The following TDRD5 variants were observed in gnomAD, a reference collection of about 807,000 sequenced individuals.
The protein encoded by TDRD5 is tudor domain-containing protein 5.
Under a neutral mutation model 120.6 loss-of-function variants are expected in TDRD5, and 41 were observed. The ratio of observed to expected loss-of-function variants is 0.34; its 90% CI spans 0.26 to 0.44. The LOEUF is 0.44. Ranked by LOEUF, TDRD5 falls within the 20% of genes least tolerant of loss-of-function variation. The pLI is 1.00. For missense variants in TDRD5, 1,006 were observed against 1,221.2 expected (o/e 0.82, Z 2.63); for synonymous variants, 430 against 433.7 (o/e 0.99, Z 0.11).
chr1:179,638,449 A>G lies in TDRD5; in HGVS notation c.1521-1390A>G, dbSNP rs142422181. On this transcript the variant is annotated intron_variant, in intron 9 of 17. Transcript: ENST00000444136. ...AAGTTGACCATGAGAGTCACTGGCA[A>G]TGTTGACTAGATGGTATGAGTTAGG... Among the ~76,000 whole-genome samples, 41 of 128,824 alleles carry G rather than the reference A, an allele frequency of 3.2e-4. 9 individuals are homozygous for G. In the East Asian group the frequency reaches 8.8e-3, roughly 28 times the overall value. The allele number at this position is 128,824 out of a possible 152,430, so 84.5% of individuals were successfully genotyped here.
In TDRD5 at chr1:179,592,012, T is replaced by C. The variant is rs892476925; in HGVS notation, c.-128T>C. On this transcript the variant is annotated 5_prime_UTR_variant, in exon 1 of 18. Coordinates refer to ENST00000444136, the MANE Select transcript of TDRD5 (RefSeq NM_001199085.3). The stretch of plus-strand genomic sequence containing the variant: ...CCTCACCTGGCGCCTCCTGCCTTCC[T>C]TTCCACCTCAGGTTGCAGAGAGCCG... 6.6e-6 allele frequency: 1 copy of C among 152,646 alleles called. No homozygotes were observed. Among genetic ancestry groups the C allele is most frequent in the Non-Finnish European group, 1.5e-5 (1 of 68,402 alleles). The allele number at this position is 152,646 out of a possible 1,614,324, so 9.5% of individuals were successfully genotyped here.
chr1:179,678,660 T>C (rs1303320645), intron 17 of TDRD5, among the ~76,000 whole-genome samples: 1 of 152,226 alleles, frequency 6.6e-6, no homozygotes, highest in African/African-American at 2.4e-5. Context: ...TATCCCTAAG[T>C]AATATTTTTA....
chr1:179,620,322 A>G (rs1438968959), intron 5 of TDRD5, among the ~76,000 whole-genome samples: 1 of 152,164 alleles, frequency 6.6e-6, no homozygotes, highest in Non-Finnish European at 1.5e-5. Flanking sequence ...CTTTATTGGG[A>G]TAGAGTAAGT....
At chr1:179,625,582 A>T (rs1558387640) in intron 6 of TDRD5, among the ~76,000 whole-genome samples, 1 of 152,164 alleles carries the variant, frequency 6.6e-6, no homozygotes, top group Non-Finnish European at 1.5e-5. Context: ...AAATGGTACA[A>T]CTACTGTGGA....
chr1:179,645,557 A>T (rs555011045), intron 11 of TDRD5, among the ~76,000 whole-genome samples: 5 of 152,244 alleles, frequency 3.3e-5, no homozygotes, highest in African/African-American at 9.6e-5. Context: ...AAAAGTGTAT[A>T]TTCTGCAGTT....
At chr1:179,659,539 A>G (rs981836504) in intron 14 of TDRD5, among the ~76,000 whole-genome samples, 15 of 144,804 alleles carry the variant, frequency 1.0e-4, no homozygotes, top group Admixed American at 5.0e-4. Flanking sequence ...CAGTATAGCC[A>G]TTCCAGTTTT....
intron 4 of TDRD5, among the ~76,000 whole-genome samples, chr1:179,612,887 G>T (rs189932067): frequency 1.4e-4 from 21 of 144,956 alleles, no homozygotes; most frequent in African/African-American, 4.4e-4. Flanking sequence ...AGTGAGCCGA[G>T]ACTGTGCCAT....
intron 5 of TDRD5, among the ~76,000 whole-genome samples, chr1:179,619,530 A>T (rs1362567933): frequency 6.6e-6 from 1 of 152,022 alleles, no homozygotes; most frequent in South Asian, 2.1e-4. Flanking sequence ...TTACTAGGAG[A>T]GATGCAAAAA....
chr1:179,662,039 A>G (rs534536280), intron 14 of TDRD5, 65 bp from the exon 15 acceptor site: 3 of 1,399,340 alleles, frequency 2.1e-6, no homozygotes, highest in African/African-American at 3.0e-5. Flanking sequence ...TATAAAACCT[A>G]AATTTTATGT....
intron 11 of TDRD5, among the ~76,000 whole-genome samples, chr1:179,648,501 G>A (rs1218386123): frequency 1.4e-5 from 2 of 139,878 alleles, no homozygotes; most frequent in Non-Finnish European, 3.1e-5. Flanking sequence ...GCTAGATGAC[G>A]AGTTAGTGGA....
At chr1:179,631,024 A>G in intron 7 of TDRD5, 104 bp downstream of exon 7, 1 of 1,088,608 alleles carries the variant, frequency 9.2e-7, no homozygotes, top group South Asian at 1.9e-5. Context: ...TTATAAAATG[A>G]CCTCCTTTCT....
rs762640436 is a variant in TDRD5 at position 179,662,228 on chromosome 1, T to G, written c.2447T>G (p.Phe816Cys). The G allele has an allele frequency of 6.2e-7, 1 of 1,611,800 alleles. No homozygotes were observed. The highest frequency in any genetic ancestry group is 8.5e-7 in the Non-Finnish European group (1 of 1,179,174). The change falls in exon 15 of 18, where the codon TTT (phenylalanine) becomes TGT (cysteine). Residue 816 changes from phenylalanine to cysteine, a missense_variant. Transcript: ENST00000444136. ...GGAGGTGATGCTGCCTCCCATCTAT[T>G]TACTGCAAGCCTTGGTGGAAAGAAT... Reference protein sequence around the residue: ...GKGGDAASHLFTASLGGKNQY... With the variant: ...GKGGDAASHLCTASLGGKNQY...
chr1:179,633,590 T>G (rs1370317541), intron 7 of TDRD5, among the ~76,000 whole-genome samples: 1 of 151,882 alleles, frequency 6.6e-6, no homozygotes, highest in African/African-American at 2.4e-5. Context: ...GACCTTGTGA[T>G]CCACCCGCCT....
Position 179,669,248 on chromosome 1 carries a change from T to G in TDRD5, c.2704T>G (p.Phe902Val), listed in dbSNP as rs756995942. ...DSSTLPKLEE[F>V]CTSLTQSEQS... ...TTCCACACTGCCCAAATTGGAAGAA[T>G]TCTGTACCTCTCTTACCCAGTCAGA... Residue 902 changes from phenylalanine to valine, a missense_variant, in exon 17 of 18, where the codon TTC (phenylalanine) becomes GTC (valine). Coordinates refer to ENST00000444136, the MANE Select transcript of TDRD5 (RefSeq NM_001199085.3). The G allele has an allele frequency of 3.1e-6, 5 of 1,614,040 alleles. No homozygotes were observed. The African/African-American group carries it at 5.3e-5, about 17-fold the overall frequency.
intron 12 of TDRD5, among the ~76,000 whole-genome samples, chr1:179,651,738 C>G (rs879849526): frequency 4.6e-5 from 7 of 151,988 alleles, no homozygotes; most frequent in Non-Finnish European, 8.8e-5. Context: ...ACAGTGAAAC[C>G]TCGTCTCCAC....
At chr1:179,669,072 A>T in intron 16 of TDRD5, 122 bp from the exon 17 acceptor site, 1 of 943,622 alleles carries the variant, frequency 1.1e-6, no homozygotes, top group South Asian at 1.9e-5. Context: ...GAAAGTGAGT[A>T]GTTTTATTTA....
At chr1:179,684,884 T>C (rs1680617220) in intron 17 of TDRD5, among the ~76,000 whole-genome samples, 1 of 152,232 alleles carries the variant, frequency 6.6e-6, no homozygotes, top group Non-Finnish European at 1.5e-5. Flanking sequence ...TGCCCACTTT[T>C]TGATGGGGTT....
upstream of TDRD5, chr1:179,591,745 T>G (rs1239026652): frequency 6.6e-6 from 1 of 152,376 alleles, no homozygotes; most frequent in Non-Finnish European, 1.5e-5. Context: ...CGGCTAATCC[T>G]GCCCAACCGT....
intron 4 of TDRD5, among the ~76,000 whole-genome samples, chr1:179,616,461 G>T (rs546351986): frequency 6.6e-6 from 1 of 152,108 alleles, no homozygotes; most frequent in East Asian, 1.9e-4. Flanking sequence ...GAGTTGCAGT[G>T]GTTTCCTAAC....
Sources: allele counts gnomAD v4.1 joint callset (sites outside exome capture counted in the v4.1 genomes callset), GRCh38; gene constraint gnomAD v4.1.1; transcripts MANE v1.5; gene names NCBI Gene and HGNC (gene_info 2026-07-23, HGNC 2026-07-21).